JAM2: variants seen among roughly 807,000 people sequenced by gnomAD.
JAM2 encodes the protein junctional adhesion molecule B.
A neutral mutation model predicts 42.0 loss-of-function variants in JAM2; 17 were observed. The observed-to-expected ratio is 0.40, with a 90% CI of 0.28 to 0.61. The LOEUF (loss-of-function observed/expected upper bound fraction) is 0.61, where lower values mean the gene tolerates loss of function less well. Among genes scored for constraint, JAM2 ranks in the 20% least tolerant of loss-of-function variants. The pLI, the probability that JAM2 is intolerant of heterozygous loss-of-function variation, is 0.37. For synonymous variants in JAM2, 118 were observed against 128.6 expected, an observed-to-expected ratio of 0.92 and a Z score of 0.56; for missense variants, 319 against 358.3, an observed-to-expected ratio of 0.89 and a Z score of 0.89.
At chr21:25,660,737 G>A (rs1442578023) in intron 1 of JAM2, among the ~76,000 whole-genome samples, 4 of 107,638 alleles carry the variant, frequency 3.7e-5, no homozygotes, top group African/African-American at 1.5e-4. Flanking sequence ...ATACAAATTT[G>A]TATTCTAATG....
intron 1 of JAM2, among the ~76,000 whole-genome samples, chr21:25,677,110 C>T (rs558042289): frequency 2.8e-4 from 42 of 151,944 alleles, no homozygotes; most frequent in African/African-American, 7.0e-4. Flanking sequence ...GTTTGGATGA[C>T]GGCTACACTA....
At position 25,698,782 on chromosome 21, in the gene JAM2, C is replaced by T. The variant is rs1274083874; in HGVS notation, c.500C>T (p.Thr167Ile). 6.2e-7 allele frequency: 1 copy of T among 1,613,948 alleles called. No homozygotes were observed. Among genetic ancestry groups the T allele is most frequent in the Non-Finnish European group, 8.5e-7 (1 of 1,179,836 alleles). Residue 167 changes from threonine (T) to isoleucine (I), a missense_variant, in exon 5 of 10, where the codon ACA becomes ATA. Physicochemically the swap from Thr to Ile is moderately conservative, Grantham distance 89 (BLOSUM62 -1). Transcript: ENST00000480456. ...DKEGNPAPEY[T>I]WFKDGIRLLE... ...GAAGGGAATCCAGCTCCTGAATACA[C>T]ATGGTTTAAGGATGGCATCCGTTTG...
chr21:25,654,539 T>C (rs1298153116), intron 1 of JAM2, among the ~76,000 whole-genome samples: 1 of 151,366 alleles, frequency 6.6e-6, no homozygotes, highest in Non-Finnish European at 1.5e-5. Flanking sequence ...TCTCAACTAC[T>C]TGGGAGGCTG....
intron 9 of JAM2, among the ~76,000 whole-genome samples, chr21:25,712,785 G>A (rs576804334): frequency 9.9e-5 from 15 of 152,208 alleles, no homozygotes; most frequent in Non-Finnish European, 2.2e-4. Context: ...ACCAAGCAGA[G>A]TGGTTCCAGC....
In JAM2 at chr21:25,639,821, G is replaced by T. The variant is rs1405836299; in HGVS notation, c.-1G>T. On this transcript the variant is annotated 5_prime_UTR_variant, in exon 1 of 10. Coordinates refer to ENST00000480456, the MANE Select transcript of JAM2 (RefSeq NM_021219.4). ...GAGCAGCCGGCTGCCGCCCCGGGAAGATGGCGAGGAGGAGCCGCCACCGCC... is the reference window on the plus strand; with the variant it reads ...GAGCAGCCGGCTGCCGCCCCGGGAATATGGCGAGGAGGAGCCGCCACCGCC... 2 of 1,581,922 alleles carry T rather than the reference G, an allele frequency of 1.3e-6. No individual in the cohort carries two copies. Among genetic ancestry groups the T allele is most frequent in the Non-Finnish European group, 1.7e-6 (2 of 1,167,098 alleles).
chr21:25,639,813 C>T lies in JAM2; in HGVS notation c.-9C>T. On this transcript the variant is annotated 5_prime_UTR_variant, in exon 1 of 10. Coordinates refer to ENST00000480456, the MANE Select transcript of JAM2 (RefSeq NM_021219.4). ...CCTCCTCAGAGCAGCCGGCTGCCGCCCCGGGAAGATGGCGAGGAGGAGCCG... is the reference window on the plus strand; with the variant it reads ...CCTCCTCAGAGCAGCCGGCTGCCGCTCCGGGAAGATGGCGAGGAGGAGCCG... The T allele has an allele frequency of 6.3e-7, 1 of 1,577,346 alleles. No homozygotes were observed. The highest frequency in any genetic ancestry group is 8.6e-7 in the Non-Finnish European group (1 of 1,164,864).
chr21:25,641,074 T>C (rs989604345), intron 1 of JAM2, among the ~76,000 whole-genome samples: 19 of 152,076 alleles, frequency 1.2e-4, no homozygotes, highest in Non-Finnish European at 1.5e-5. Context: ...CAATATTATA[T>C]AAAGTCAAAC....
At chr21:25,690,117 A>C (rs2033845012) in intron 3 of JAM2, 144 bp downstream of exon 3, 3 of 608,644 alleles carry the variant, frequency 4.9e-6, no homozygotes, top group African/African-American at 1.8e-5. Flanking sequence ...CATGTCTGAG[A>C]CATAAAACAC....
intron 1 of JAM2, among the ~76,000 whole-genome samples, chr21:25,680,987 C>A (rs1021541524): frequency 6.6e-6 from 1 of 151,976 alleles, no homozygotes; most frequent in Non-Finnish European, 1.5e-5. Context: ...GAAAAGTGTC[C>A]GTTAGATATG....
rs560683603 is a variant in JAM2, at chr21:25,673,966, T to A, written c.68-9917T>A. Among the ~76,000 whole-genome samples, 21 of 152,224 alleles carry A rather than the reference T, an allele frequency of 1.4e-4. No homozygotes were observed. In the South Asian group the frequency reaches 2.3e-3, roughly 17 times the overall value. ...CGCGATCTGATGGTTTTATAAGGGGTTTCCCCTTTTGCTTGGCTCTCATTC... is the reference window on the plus strand; with the variant it reads ...CGCGATCTGATGGTTTTATAAGGGGATTCCCCTTTTGCTTGGCTCTCATTC... On this transcript the variant is annotated intron_variant, in intron 1 of 9. Coordinates refer to ENST00000480456, the MANE Select transcript of JAM2 (RefSeq NM_021219.4).
chr21:25,714,191 A>G (rs1270101231), intron 9 of JAM2: 2 of 1,302,524 alleles, frequency 1.5e-6, no homozygotes, highest in Admixed American at 4.6e-5. Context: ...TTAATTCCCC[A>G]TAAAACAAGT....
intron 1 of JAM2, among the ~76,000 whole-genome samples, chr21:25,640,321 C>T (rs1314601678): frequency 6.6e-6 from 1 of 152,188 alleles, no homozygotes; most frequent in Non-Finnish European, 1.5e-5. Flanking sequence ...GGGCAGCGTC[C>T]GCGTGGTCTG....
chr21:25,643,833 G>A (rs1335738081), intron 1 of JAM2: 1 of 152,030 alleles, frequency 6.6e-6, no homozygotes, highest in Non-Finnish European at 1.5e-5. Flanking sequence ...TTAATGAGAG[G>A]AGCCCACAGG....
intron 7 of JAM2, among the ~76,000 whole-genome samples, chr21:25,707,575 A>G (rs2034298686): frequency 1.3e-5 from 2 of 152,322 alleles, no homozygotes; most frequent in East Asian, 1.9e-4. Flanking sequence ...GAATTCTTCA[A>G]ATTTAGACCT....
chr21:25,716,490 C>G lies in JAM2; in HGVS notation c.*1818C>G, dbSNP rs554566455. ...TCTCACCAGATCCCTTCCTGGAGGT[C>G]GGGCTTCTGTAACATGGCTCTGCCC... On this transcript the variant is annotated 3_prime_UTR_variant, in exon 10 of 10. Coordinates refer to ENST00000480456, the MANE Select transcript of JAM2 (RefSeq NM_021219.4). The G allele has an allele frequency of 1.3e-5, 2 of 152,082 alleles. No homozygotes were observed. The highest frequency in any genetic ancestry group is 2.9e-5 in the Non-Finnish European group (2 of 68,024). The allele number at this position is 152,082 out of a possible 1,614,324, so 9.4% of individuals were successfully genotyped here.
chr21:25,693,940 C>CT, intron 4 of JAM2, 32 bp downstream of exon 4: 1 of 1,603,868 alleles, frequency 6.2e-7, no homozygotes, highest in Non-Finnish European at 8.5e-7. Context: ...GACTACGTCT[C>CT]CCACTCCTTC....
chr21:25,681,771 A>G (rs1357325364), intron 1 of JAM2, among the ~76,000 whole-genome samples: 1 of 151,874 alleles, frequency 6.6e-6, no homozygotes, highest in Non-Finnish European at 1.5e-5. Flanking sequence ...TCAGGAGGTC[A>G]GGAGATCCAG....
chr21:25,661,890 A>G (rs1396638937), intron 1 of JAM2, among the ~76,000 whole-genome samples: 1 of 151,936 alleles, frequency 6.6e-6, no homozygotes, highest in Non-Finnish European at 1.5e-5. Flanking sequence ...TAACATGAGC[A>G]AAAAATTTAA....
At chr21:25,647,868 G>T (rs939149813) in intron 1 of JAM2, among the ~76,000 whole-genome samples, 50 of 152,256 alleles carry the variant, frequency 3.3e-4, no homozygotes, top group African/African-American at 1.1e-3. Context: ...CAAACTTCTG[G>T]GCAAGTGCTA....
Sources: allele counts gnomAD v4.1 joint callset (sites outside exome capture counted in the v4.1 genomes callset), GRCh38; gene constraint gnomAD v4.1.1; transcripts MANE v1.5; gene names NCBI Gene and HGNC (gene_info 2026-07-23, HGNC 2026-07-21).